Variants in ACSS3 observed in about 807,000 individuals in gnomAD.
ACSS3 encodes the protein acyl-CoA synthetase short chain family member 3.
Under a neutral mutation model 84.2 loss-of-function variants are expected in ACSS3, and 64 were observed. The ratio of observed to expected loss-of-function variants is 0.76; its 90% CI spans 0.62 to 0.94. The LOEUF (loss-of-function observed/expected upper bound fraction) is 0.94. Ranked by LOEUF, ACSS3 falls within the 40% of genes least tolerant of loss-of-function variation. The pLI is 0.00. For missense variants in ACSS3, 815 were observed against 867.6 expected (o/e 0.94, Z 0.76); for synonymous variants, 317 against 310.1 (o/e 1.02, Z -0.23).
At chr12:81,201,203 G>C (rs2032091289) in intron 9 of ACSS3, among the ~76,000 whole-genome samples, 1 of 152,178 alleles carries the variant, frequency 6.6e-6, no homozygotes, top group Admixed American at 6.5e-5. Context: ...CAGTATTTAT[G>C]TATCCCCTAT....
intron 13 of ACSS3, among the ~76,000 whole-genome samples, chr12:81,234,517 A>G (rs1286366972): frequency 1.3e-5 from 2 of 151,464 alleles, no homozygotes; most frequent in African/African-American, 4.8e-5. Flanking sequence ...AGCCACCAGC[A>G]GTATTTAAGG....
At chr12:81,151,704 T>C in intron 5 of ACSS3, 140 bp from the exon 6 acceptor site, 1 of 657,110 alleles carries the variant, frequency 1.5e-6, no homozygotes, top group Middle Eastern at 3.7e-4. Context: ...GATTCAAAGA[T>C]AATTTTATAA....
intron 3 of ACSS3, among the ~76,000 whole-genome samples, chr12:81,137,747 GC>G (rs1257192404): frequency 6.6e-6 from 1 of 151,950 alleles, no homozygotes; most frequent in Non-Finnish European, 1.5e-5. Context: ...TATGTAGCTT[GC>G]TTTTGTTTAT....
At chr12:81,212,315 T>G (rs1016402406) in intron 9 of ACSS3, among the ~76,000 whole-genome samples, 1 of 152,212 alleles carries the variant, frequency 6.6e-6, no homozygotes, top group Non-Finnish European at 1.5e-5. Flanking sequence ...ACATAATAGC[T>G]GCTCAAAAAC....
At chr12:81,107,503 AATATATAC>A (rs1336695251) in intron 1 of ACSS3, among the ~76,000 whole-genome samples, 1,482 of 59,510 alleles carry the variant, frequency 0.025, 279 homozygotes, top group Non-Finnish European at 0.037. Flanking sequence ...TTCAGGTACA[AATATATAC>A]ATATATATAT....
intron 9 of ACSS3, among the ~76,000 whole-genome samples, chr12:81,213,611 C>T (rs188619425): frequency 1.8e-4 from 3 of 16,452 alleles, no homozygotes; most frequent in African/African-American, 2.4e-4. Context: ...CCTCCCCTCC[C>T]CTCCCCTCCT....
intron 9 of ACSS3, among the ~76,000 whole-genome samples, chr12:81,202,187 G>A (rs1327727890): frequency 6.6e-6 from 1 of 152,012 alleles, no homozygotes; most frequent in Non-Finnish European, 1.5e-5. Flanking sequence ...GCTGAGGCAG[G>A]AGAATGGCAT....
chr12:81,184,738 G>T (rs939672031), intron 8 of ACSS3, among the ~76,000 whole-genome samples: 1 of 151,568 alleles, frequency 6.6e-6, no homozygotes, highest in African/African-American at 2.4e-5. Context: ...GATTTGAGAA[G>T]TAATCAAAAC....
At chr12:81,101,226 T>G (rs1467566415) in intron 1 of ACSS3, among the ~76,000 whole-genome samples, 1 of 152,156 alleles carries the variant, frequency 6.6e-6, no homozygotes, top group Non-Finnish European at 1.5e-5. Flanking sequence ...TTAAATATTT[T>G]TATTTGATTA....
chr12:81,138,065 T>C (rs1885902109), intron 3 of ACSS3, among the ~76,000 whole-genome samples: 1 of 152,102 alleles, frequency 6.6e-6, no homozygotes, highest in Admixed American at 6.5e-5. Context: ...TATGCATATA[T>C]TTAGCACAGT....
chr12:81,229,311 A>C (rs1454011409), intron 11 of ACSS3, among the ~76,000 whole-genome samples: 1 of 151,866 alleles, frequency 6.6e-6, no homozygotes, highest in Non-Finnish European at 1.5e-5. Context: ...TTTTACATAC[A>C]ATTTGCTTCA....
chr12:81,217,055 G>C, intron 10 of ACSS3, 59 bp downstream of exon 10: 5 of 1,389,116 alleles, frequency 3.6e-6, no homozygotes, highest in South Asian at 2.3e-5. Context: ...CTTGCATCTA[G>C]TGTGTATTAT....
intron 8 of ACSS3, among the ~76,000 whole-genome samples, chr12:81,186,644 G>T (rs1302888811): frequency 1.3e-5 from 2 of 151,736 alleles, no homozygotes; most frequent in African/African-American, 4.8e-5. Flanking sequence ...TAATGCAAAT[G>T]AAAACCACTA....
intron 1 of ACSS3, among the ~76,000 whole-genome samples, chr12:81,083,375 T>TTTG (rs1189611376): frequency 6.6e-6 from 1 of 151,130 alleles, no homozygotes; most frequent in Non-Finnish European, 1.5e-5. Flanking sequence ...TTTTTTCTTT[T>TTTG]GAGACGGAGT....
intron 1 of ACSS3, among the ~76,000 whole-genome samples, chr12:81,102,290 G>A (rs909412407): frequency 6.6e-6 from 1 of 152,016 alleles, no homozygotes; most frequent in Non-Finnish European, 1.5e-5. Context: ...TAGACTTTCC[G>A]GAAGTCATAT....
chr12:81,090,203 G>A (rs1000319708), intron 1 of ACSS3, among the ~76,000 whole-genome samples: 3 of 151,812 alleles, frequency 2.0e-5, no homozygotes, highest in African/African-American at 4.8e-5. Context: ...TTTTGATTTC[G>A]TCGCCTTTCA....
intron 7 of ACSS3, among the ~76,000 whole-genome samples, chr12:81,155,056 G>A (rs1322241427): frequency 6.6e-6 from 1 of 152,128 alleles, no homozygotes; most frequent in Non-Finnish European, 1.5e-5. Flanking sequence ...ACACTATACT[G>A]AAATGATACA....
intron 13 of ACSS3, among the ~76,000 whole-genome samples, chr12:81,233,960 CTATGAGTATTTA>C (rs1565735715): frequency 6.6e-6 from 1 of 151,500 alleles, no homozygotes; most frequent in Non-Finnish European, 1.5e-5. Flanking sequence ...TTATACAATA[CTATGAGTATTTA>C]TACTAATACA....
intron 13 of ACSS3, among the ~76,000 whole-genome samples, chr12:81,248,970 G>A (rs756489326): frequency 1.4e-4 from 22 of 151,796 alleles, no homozygotes; most frequent in Admixed American, 2.6e-4. Context: ...TTTCTTTTCT[G>A]TTCTCATCAT....
Sources: gnomAD v4.1 joint callset for allele counts (sites outside exome capture counted in the v4.1 genomes callset) on GRCh38, gnomAD v4.1.1 for gene constraint, MANE v1.5 for transcripts, NCBI Gene and HGNC (gene_info 2026-07-23, HGNC 2026-07-21) for gene names.